Variants in ZNF521 observed in about 807,000 individuals in gnomAD.
ZNF521 encodes LYST-interacting protein 3.
In ZNF521, 14 loss-of-function variants were observed where a neutral mutation model predicts 105.5. The observed-to-expected ratio is 0.13, with a 90% CI of 0.09 to 0.21. The LOEUF (loss-of-function observed/expected upper bound fraction) is 0.21, where lower values mean the gene tolerates loss of function less well. ZNF521 is among the 10% of genes least tolerant of loss of function. ZNF521 has a pLI of 1.00. For synonymous variants in ZNF521, 635 were observed against 606.0 expected, an observed-to-expected ratio of 1.05 and a Z score of -0.70; for missense variants, 1,233 against 1,629.7, an observed-to-expected ratio of 0.76 and a Z score of 4.19.
At chr18:25,117,145 G>T (rs2034345054) in intron 5 of ZNF521, among the ~76,000 whole-genome samples, 1 of 150,486 alleles carries the variant, frequency 6.6e-6, no homozygotes, top group African/African-American at 2.4e-5. Flanking sequence ...TCAGAATTTG[G>T]TCAGGGATTT....
chr18:25,116,024 T>A (rs1385455676), intron 5 of ZNF521, among the ~76,000 whole-genome samples: 39 of 152,186 alleles, frequency 2.6e-4, no homozygotes, highest in Admixed American at 2.4e-3. Context: ...AATATTTGAA[T>A]AAAATGACAT....
At chr18:25,157,482 G>T (rs1442433286) in intron 5 of ZNF521, among the ~76,000 whole-genome samples, 1 of 152,208 alleles carries the variant, frequency 6.6e-6, no homozygotes, top group South Asian at 2.1e-4. Flanking sequence ...TTTATCCTAA[G>T]GAGATAATCA....
chr18:25,275,478 A>C (rs575777629), intron 3 of ZNF521, among the ~76,000 whole-genome samples: 13 of 152,336 alleles, frequency 8.5e-5, no homozygotes, highest in African/African-American at 3.1e-4. Context: ...GCACCCACTC[A>C]TGCGGTAATA....
In ZNF521 at chr18:25,265,462, T is replaced by C. The variant is rs8093591; in HGVS notation, c.221-37765A>G. Among the ~76,000 whole-genome samples, 1,521 of 152,296 alleles carry C rather than the reference T, an allele frequency of 1.0e-2. 26 individuals are homozygous for C. The highest frequency in any genetic ancestry group is 0.034 in the African/African-American group (1,417 of 41,562). Reference sequence around the variant, plus strand: ...TCTCCCCCTGATATCAGAACCCTCTTAGTGTCCTAAGATCTCCCTCTAAGA... The same window carrying C: ...TCTCCCCCTGATATCAGAACCCTCTCAGTGTCCTAAGATCTCCCTCTAAGA... On this transcript the variant is annotated intron_variant, in intron 3 of 7. Coordinates refer to ENST00000361524, the MANE Select transcript of ZNF521 (RefSeq NM_015461.3).
intron 3 of ZNF521, among the ~76,000 whole-genome samples, chr18:25,234,902 CAAT>C (rs1225693604): frequency 1.3e-5 from 2 of 151,798 alleles, no homozygotes; most frequent in South Asian, 2.1e-4. Context: ...ATTTGATAGA[CAAT>C]ATTATCATTA....
intron 5 of ZNF521, among the ~76,000 whole-genome samples, chr18:25,103,568 C>T (rs2034009951): frequency 6.6e-6 from 1 of 152,090 alleles, no homozygotes; most frequent in South Asian, 2.1e-4. Context: ...CAATATATTC[C>T]TAACCTACTT....
At chr18:25,192,416 T>C (rs1490501219) in intron 5 of ZNF521, among the ~76,000 whole-genome samples, 3 of 152,084 alleles carry the variant, frequency 2.0e-5, no homozygotes, top group Non-Finnish European at 4.4e-5. Flanking sequence ...TGGCGGTTGC[T>C]TGACACTGAG....
intron 7 of ZNF521, among the ~76,000 whole-genome samples, chr18:25,074,796 C>T (rs1203871477): frequency 6.6e-6 from 1 of 152,076 alleles, no homozygotes; most frequent in African/African-American, 2.4e-5. Flanking sequence ...TCTGGCTTTA[C>T]TTCTAGGTCT....
intron 7 of ZNF521, among the ~76,000 whole-genome samples, chr18:25,085,898 T>C (rs1447073866): frequency 6.6e-6 from 1 of 152,088 alleles, no homozygotes; most frequent in Non-Finnish European, 1.5e-5. Flanking sequence ...TCCATAGTGA[T>C]GTTGATGGTC....
intron 2 of ZNF521, among the ~76,000 whole-genome samples, chr18:25,337,236 G>T (rs950087188): frequency 6.6e-6 from 1 of 152,036 alleles, no homozygotes; most frequent in African/African-American, 2.4e-5. Context: ...GAAAGATTAG[G>T]AAAAAATCCT....
rs540039137 is a variant in ZNF521 at position 25,157,281 on chromosome 18, T to A, written c.3658+37879A>T. ...ATTAAAATGACAGATTGTTGCTACA[T>A]ATCTGATGGAGGGTTTAAAATGTAA... On this transcript the variant is annotated intron_variant, in intron 5 of 7. Transcript: ENST00000361524. Among the ~76,000 whole-genome samples, 28 of 152,308 alleles carry A rather than the reference T, an allele frequency of 1.8e-4. No homozygotes were observed. The South Asian group carries it at 5.2e-3, about 28-fold the overall frequency.
At chr18:25,263,640 A>G (rs1909064268) in intron 3 of ZNF521, among the ~76,000 whole-genome samples, 2 of 152,200 alleles carry the variant, frequency 1.3e-5, no homozygotes, top group South Asian at 4.1e-4. Context: ...CAATGATGCA[A>G]TCTTGGCTCA....
intron 3 of ZNF521, among the ~76,000 whole-genome samples, chr18:25,303,264 T>C (rs977047047): frequency 4.1e-5 from 6 of 145,500 alleles, no homozygotes; most frequent in Non-Finnish European, 7.5e-5. Context: ...AAACTCTTTC[T>C]TTCTTTCGTG....
At chr18:25,104,628 G>A (rs1426895762) in intron 5 of ZNF521, among the ~76,000 whole-genome samples, 2 of 152,172 alleles carry the variant, frequency 1.3e-5, no homozygotes, top group Non-Finnish European at 2.9e-5. Context: ...ACAAAGATTA[G>A]CATGAGGATT....
At chr18:25,272,386 GA>G (rs1174483872) in intron 3 of ZNF521, among the ~76,000 whole-genome samples, 2 of 151,962 alleles carry the variant, frequency 1.3e-5, no homozygotes, top group African/African-American at 4.8e-5. Context: ...TAGAAATACC[GA>G]TTGACCCAGC....
chr18:25,274,532 T>C (rs1436891046), intron 3 of ZNF521, among the ~76,000 whole-genome samples: 1 of 152,146 alleles, frequency 6.6e-6, no homozygotes, highest in Non-Finnish European at 1.5e-5. Flanking sequence ...CTGACAAATA[T>C]TTCCAAAGAT....
At chr18:25,149,297 G>A (rs1478229304) in intron 5 of ZNF521, among the ~76,000 whole-genome samples, 2 of 152,206 alleles carry the variant, frequency 1.3e-5, no homozygotes, top group African/African-American at 2.4e-5. Flanking sequence ...TTCAGTCTGC[G>A]TGTGTTATGG....
chr18:25,312,530 AGGCCGGGCGCGGTGGCTC>A (rs1912366887), intron 3 of ZNF521, among the ~76,000 whole-genome samples: 2 of 110,868 alleles, frequency 1.8e-5, no homozygotes, highest in African/African-American at 3.4e-5. Flanking sequence ...AGTTGGAACC[AGGCCGGGCGCGGTGGCTC>A]ACGCCTGTAA....
chr18:25,101,305 A>G (rs1287563420), intron 5 of ZNF521, among the ~76,000 whole-genome samples: 2 of 152,100 alleles, frequency 1.3e-5, no homozygotes, highest in Non-Finnish European at 2.9e-5. Flanking sequence ...TTCCACATAT[A>G]CTGAGGGACT....
Sources: gnomAD v4.1 joint callset for allele counts (sites outside exome capture counted in the v4.1 genomes callset) on GRCh38, gnomAD v4.1.1 for gene constraint, MANE v1.5 for transcripts, NCBI Gene and HGNC (gene_info 2026-07-23, HGNC 2026-07-21) for gene names.